The following GPC3 variants were observed in gnomAD, a reference collection of about 807,000 sequenced individuals.
GPC3 encodes glypican-3.
GPC3 carries 3 observed loss-of-function variants against 34.4 expected under a neutral mutation model. That is an observed-to-expected ratio of 0.09 (90% CI 0.04 to 0.23). GPC3 has a LOEUF of 0.23. Ranked by LOEUF, GPC3 falls within the 10% of genes least tolerant of loss-of-function variation. The pLI is 1.00. For synonymous variants in GPC3, 177 were observed against 174.0 expected (o/e 1.02, Z -0.13); for missense variants, 351 against 445.6 (o/e 0.79, Z 1.91).
At chrX:133,620,950 T>C (rs747622317) in intron 6 of GPC3, among the ~76,000 whole-genome samples, 5 of 111,367 alleles carry the variant, frequency 4.5e-5, no homozygotes, top group African/African-American at 1.3e-4. Flanking sequence ...CTAAAATACA[T>C]AAAACCAAGT....
At chrX:133,765,493 A>G (rs2124489267) in intron 2 of GPC3, among the ~76,000 whole-genome samples, 1 of 112,191 alleles carries the variant, frequency 8.9e-6, no homozygotes, top group African/African-American at 3.2e-5. Context: ...TATCTAATAA[A>G]AAACCTGTAT....
chrX:133,935,799 CTA>C (rs1452951549), intron 2 of GPC3, among the ~76,000 whole-genome samples: 1 of 111,205 alleles, frequency 9.0e-6, no homozygotes, highest in Non-Finnish European at 1.9e-5. Flanking sequence ...CTTTTCAGGA[CTA>C]TATATGTTAT....
At chrX:133,576,997 A>G in intron 7 of GPC3, among the ~76,000 whole-genome samples, 1 of 111,655 alleles carries the variant, frequency 9.0e-6, no homozygotes, top group Non-Finnish European at 1.9e-5. Context: ...TAGCAAATCC[A>G]TGGTCTCATG....
At chrX:133,743,916 G>T (rs2071587224) in intron 3 of GPC3, among the ~76,000 whole-genome samples, 1 of 111,743 alleles carries the variant, frequency 8.9e-6, no homozygotes, top group African/African-American at 3.3e-5. Flanking sequence ...ATGGGGAAAT[G>T]ATTCCCTATT....
chrX:133,695,005 AC>A (rs768648915), intron 4 of GPC3, among the ~76,000 whole-genome samples: 1 of 111,869 alleles, frequency 8.9e-6, no homozygotes, highest in South Asian at 3.8e-4. Flanking sequence ...GTCTGTTCTC[AC>A]ATCACTATGA....
intron 2 of GPC3, among the ~76,000 whole-genome samples, chrX:133,797,569 T>C (rs1032063679): frequency 9.0e-6 from 1 of 111,474 alleles, no homozygotes; most frequent in Non-Finnish European, 1.9e-5. Context: ...GTGGCTCCAC[T>C]GGTAATACCA....
chrX:133,836,171 T>C (rs5977919), intron 2 of GPC3, among the ~76,000 whole-genome samples: 8,988 of 113,277 alleles, frequency 0.079, 573 homozygotes, highest in African/African-American at 0.21. Flanking sequence ...ATACAGCCTT[T>C]TCTCATGTTG....
chrX:133,862,584 G>T (rs1257602947), intron 2 of GPC3, among the ~76,000 whole-genome samples: 1 of 109,480 alleles, frequency 9.1e-6, no homozygotes, highest in East Asian at 2.8e-4. Context: ...CAGCTATTCG[G>T]CAGGCTGAGG....
At chrX:133,666,883 ATAAG>A (rs1465898877) in intron 5 of GPC3, among the ~76,000 whole-genome samples, 1 of 112,402 alleles carries the variant, frequency 8.9e-6, no homozygotes, top group Non-Finnish European at 1.9e-5. Flanking sequence ...TAAGAAAAGG[ATAAG>A]AGCAGTCACT....
intron 2 of GPC3, among the ~76,000 whole-genome samples, chrX:133,858,493 C>T (rs1294678986): frequency 1.8e-5 from 2 of 111,694 alleles, no homozygotes; most frequent in Non-Finnish European, 3.8e-5. Context: ...TCTCATATAT[C>T]TCTCTCTCCT....
chrX:133,746,009 C>G (rs1223376465), intron 3 of GPC3, among the ~76,000 whole-genome samples: 1 of 112,180 alleles, frequency 8.9e-6, no homozygotes, highest in Non-Finnish European at 1.9e-5. Flanking sequence ...AGTTTCTCTC[C>G]TATAATACAA....
At chrX:133,603,526 T>A (rs1395974366) in intron 6 of GPC3, among the ~76,000 whole-genome samples, 1 of 112,218 alleles carries the variant, frequency 8.9e-6, no homozygotes, top group Non-Finnish European at 1.9e-5. Flanking sequence ...CTTCAAACCA[T>A]GTGTTTAAAA....
At chrX:133,846,978 T>C (rs954720037) in intron 2 of GPC3, among the ~76,000 whole-genome samples, 2 of 111,868 alleles carry the variant, frequency 1.8e-5, no homozygotes, top group African/African-American at 6.5e-5. Flanking sequence ...CCTTAAATGT[T>C]CTTTATTTTG....
intron 6 of GPC3, among the ~76,000 whole-genome samples, chrX:133,623,404 T>G (rs972245285): frequency 9.0e-6 from 1 of 111,689 alleles, no homozygotes; most frequent in Non-Finnish European, 1.9e-5. Context: ...TGTGCTGTAT[T>G]CAGGAGACCC....
chrX:133,657,898 C>CAGAGAGAG (rs749162174), intron 6 of GPC3, among the ~76,000 whole-genome samples: 1,065 of 85,501 alleles, frequency 0.012, 29 homozygotes, highest in African/African-American at 0.047. Context: ...GGCATACATG[C>CAGAGAGAG]AGAGAGAGAG....
intron 2 of GPC3, among the ~76,000 whole-genome samples, chrX:133,758,823 T>C (rs1238377919): frequency 9.0e-6 from 1 of 111,051 alleles, no homozygotes; most frequent in East Asian, 2.8e-4. Context: ...ACATTTGCTG[T>C]TTTTCCTGCC....
At chrX:133,891,575 C>T (rs182903966) in intron 2 of GPC3, among the ~76,000 whole-genome samples, 22 of 108,747 alleles carry the variant, frequency 2.0e-4, no homozygotes, top group East Asian at 1.1e-3. Context: ...CAAGACCAGC[C>T]GGGGCAACTT....
In GPC3 at chrX:133,692,494, C is replaced by T; in HGVS notation, c.1167G>A (p.Arg389=). 8.3e-7 allele frequency: 1 copy of T among 1,205,359 alleles called. No individual in the cohort carries two copies. Among genetic ancestry groups the T allele is most frequent in the African/African-American group, 1.7e-5 (1 of 57,623 alleles). Residue 389 remains arginine, a splice_region_variant and synonymous_variant, in exon 5 of 8, where the codon AGG becomes AGA. Coordinates refer to ENST00000370818, the MANE Select transcript of GPC3 (RefSeq NM_004484.4). ...AAGACTTCAACTTCTGAATTAGTTC[C>T]CTAAAAGAAAAACAAAACATCTGTG... The part of the protein sequence containing the change: ...EHEETLSSRR[R]ELIQKLKSFI...
Position 133,753,118 on chromosome X carries a change from C to T in GPC3, c.1032+364G>A, listed in dbSNP as rs2071682622. The stretch of plus-strand genomic sequence containing the variant: ...AGGATTATGATAACTGACAATAATG[C>T]TAATAATAGCCAACATTTATCGAAG... On this transcript the variant is annotated intron_variant, in intron 3 of 7. Coordinates refer to ENST00000370818, the MANE Select transcript of GPC3 (RefSeq NM_004484.4). 2.7e-5 allele frequency among the ~76,000 whole-genome samples: 3 copies of T among 112,087 alleles called. No homozygotes were observed. The Admixed American group carries it at 2.8e-4, about 11-fold the overall frequency.
Sources: allele counts gnomAD v4.1 joint callset (sites outside exome capture counted in the v4.1 genomes callset), GRCh38; gene constraint gnomAD v4.1.1; transcripts MANE v1.5; gene names NCBI Gene and HGNC (gene_info 2026-07-23, HGNC 2026-07-21).